CTNNA2: variants seen among roughly 807,000 people sequenced by gnomAD.
CTNNA2 encodes catenin alpha-2.
Under a neutral mutation model 101.0 loss-of-function variants are expected in CTNNA2, and 42 were observed. The observed-to-expected ratio is 0.42, with a 90% confidence interval of 0.32 to 0.54. CTNNA2 has a LOEUF of 0.54. CTNNA2 is among the 20% of genes least tolerant of loss of function. The probability of loss-of-function intolerance (pLI) is 0.14; values close to 1 mark genes in which losing one functional copy is unlikely to be tolerated. For missense variants in CTNNA2, 871 were observed against 1,223.1 expected, an observed-to-expected ratio of 0.71 and a Z score of 4.29; for synonymous variants, 450 against 456.4, an observed-to-expected ratio of 0.99 and a Z score of 0.18.
intron 1 of CTNNA2, among the ~76,000 whole-genome samples, chr2:79,538,203 A>G (rs1673187930): frequency 6.6e-6 from 1 of 151,936 alleles, no homozygotes; most frequent in South Asian, 2.1e-4. Context: ...CAGCTTCTGG[A>G]AGGATTATGC....
At chr2:80,152,996 T>C (rs1703798919) in intron 7 of CTNNA2, among the ~76,000 whole-genome samples, 1 of 152,224 alleles carries the variant, frequency 6.6e-6, no homozygotes, top group South Asian at 2.1e-4. Context: ...CTAAGTTGTG[T>C]TTGTAAAATC....
At chr2:80,639,632 A>G (rs527324484) in intron 18 of CTNNA2, among the ~76,000 whole-genome samples, 57 of 152,250 alleles carry the variant, frequency 3.7e-4, no homozygotes, top group African/African-American at 1.3e-3. Context: ...ACCAATTTTT[A>G]TCACCTGATT....
chr2:79,200,938 G>A (rs1487120794), intron 2 of CTNNA2, among the ~76,000 whole-genome samples: 2 of 152,080 alleles, frequency 1.3e-5, no homozygotes, highest in Non-Finnish European at 2.9e-5. Flanking sequence ...AGGCTATTGT[G>A]GTAAAGAAGA....
At chr2:79,500,911 G>C (rs558874418) in intron 4 of CTNNA2, 18 of 152,282 alleles carry the variant, frequency 1.2e-4, no homozygotes, top group Admixed American at 9.8e-4. Context: ...GTTCTTCTGG[G>C]CTCTGATTAC....
In CTNNA2 at chr2:79,387,926, T is replaced by C. The variant is rs368773013; in HGVS notation, c.-135+13913T>C. ...GGAGTGAGAATATAAGGAACTAATA[T>C]AACCAGAGAGCCACAGAGAGTAGAG... is the stretch of plus-strand genomic sequence containing the variant. On this transcript the variant is annotated intron_variant, in intron 4 of 21. Coordinates refer to the CTNNA2 transcript ENST00000466387. 2.5e-4 allele frequency among the ~76,000 whole-genome samples: 38 copies of C among 152,248 alleles called. No homozygotes were observed. In the East Asian group the frequency reaches 6.6e-3, roughly 26 times the overall value.
chr2:79,190,466 T>C (rs1673839008), intron 1 of CTNNA2, among the ~76,000 whole-genome samples: 1 of 152,124 alleles, frequency 6.6e-6, no homozygotes, highest in South Asian at 2.1e-4. Flanking sequence ...CTTCTATTAG[T>C]TACATTCATG....
intron 2 of CTNNA2, among the ~76,000 whole-genome samples, chr2:79,300,282 T>C (rs1676078541): frequency 6.6e-6 from 1 of 152,152 alleles, no homozygotes; most frequent in Admixed American, 6.5e-5. Flanking sequence ...TCATGGAGGG[T>C]ATGGACTTTG....
chr2:79,676,829 T>C (rs1430105018), intron 2 of CTNNA2, among the ~76,000 whole-genome samples: 1 of 152,212 alleles, frequency 6.6e-6, no homozygotes, highest in Non-Finnish European at 1.5e-5. Flanking sequence ...TATAAATACA[T>C]CAGCTATCTA....
chr2:79,211,591 AG>A (rs1674174382), intron 2 of CTNNA2, among the ~76,000 whole-genome samples: 2 of 152,194 alleles, frequency 1.3e-5, no homozygotes, highest in Non-Finnish European at 2.9e-5. Flanking sequence ...AGGATGAGCC[AG>A]GAGAAGGAAT....
chr2:80,054,196 C>G (rs950328570), intron 7 of CTNNA2, among the ~76,000 whole-genome samples: 1 of 152,140 alleles, frequency 6.6e-6, no homozygotes, highest in Non-Finnish European at 1.5e-5. Flanking sequence ...TGGCTATGTC[C>G]TAAGTGGTTG....
intron 7 of CTNNA2, among the ~76,000 whole-genome samples, chr2:80,306,045 T>C (rs1676907814): frequency 6.6e-6 from 1 of 152,190 alleles, no homozygotes; most frequent in African/African-American, 2.4e-5. Flanking sequence ...GTCCTTAGCA[T>C]CTAAGCTGAA....
intron 7 of CTNNA2, among the ~76,000 whole-genome samples, chr2:80,272,902 A>G (rs1267536742): frequency 6.6e-6 from 1 of 152,216 alleles, no homozygotes; most frequent in African/African-American, 2.4e-5. Context: ...TTCTGAAGGC[A>G]TAATTTTGAT....
intron 15 of CTNNA2, among the ~76,000 whole-genome samples, chr2:80,591,938 C>T (rs1386064819): frequency 6.6e-6 from 1 of 152,044 alleles, no homozygotes; most frequent in African/African-American, 2.4e-5. Context: ...ATCTCATGGA[C>T]AATGGCAGAA....
Position 80,151,834 on chromosome 2 carries a change from T to A in CTNNA2, c.1057-241377T>A, listed in dbSNP as rs193088587. 1.8e-3 allele frequency among the ~76,000 whole-genome samples: 269 copies of A among 152,344 alleles called. 8 individuals carry two copies. Among genetic ancestry groups the A allele is most frequent in the Admixed American group, 0.017 (264 of 15,300 alleles). On this transcript the variant is annotated intron_variant, in intron 7 of 18. Coordinates refer to ENST00000402739, the MANE Select transcript of CTNNA2 (RefSeq NM_001282597.3). ...TCCAGCTGCTGCTGCCAGTGCTGCC[T>A]CTTCTGCTGCCAACCCCACTCTTTT... is the stretch of plus-strand genomic sequence containing the variant.
rs148815126 is a variant in CTNNA2, at chr2:80,528,847, A to G, written c.1291-16135A>G. 5.0e-3 allele frequency among the ~76,000 whole-genome samples: 760 copies of G among 152,302 alleles called. 4 individuals carry two copies. Among genetic ancestry groups the G allele is most frequent in the African/African-American group, 0.017 (726 of 41,570 alleles). On this transcript the variant is annotated intron_variant, in intron 9 of 18. Coordinates refer to ENST00000402739, the MANE Select transcript of CTNNA2 (RefSeq NM_001282597.3). The stretch of plus-strand genomic sequence containing the variant: ...GAGTCTCTAACATATTCTTTGGAAC[A>G]TTCTCAAACTTTGTAGCTCTTCAGT...
intron 7 of CTNNA2, among the ~76,000 whole-genome samples, chr2:80,103,644 A>G (rs1700689811): frequency 6.6e-6 from 1 of 152,020 alleles, no homozygotes; most frequent in Non-Finnish European, 1.5e-5. Flanking sequence ...CATAGGTGTT[A>G]TTTTCATGGT....
intron 7 of CTNNA2, among the ~76,000 whole-genome samples, chr2:80,307,541 G>A (rs998313215): frequency 2.0e-5 from 3 of 151,956 alleles, no homozygotes; most frequent in African/African-American, 7.2e-5. Flanking sequence ...TCATATGTCT[G>A]TACCTGTCTT....
intron 7 of CTNNA2, among the ~76,000 whole-genome samples, chr2:80,272,704 G>A (rs1285248400): frequency 6.6e-6 from 1 of 152,096 alleles, no homozygotes; most frequent in African/African-American, 2.4e-5. Flanking sequence ...ATTTCAGATA[G>A]TTGTTTATTA....
At chr2:79,593,880 GTTTTTTTTTTTTTT>G (rs945227300) in intron 1 of CTNNA2, among the ~76,000 whole-genome samples, 1 of 85,438 alleles carries the variant, frequency 1.2e-5, no homozygotes, top group African/African-American at 5.3e-5. Context: ...CTTTCTTTTA[GTTTTTTTTTTTTTT>G]TTTTTTTTTT....
Sources: allele counts gnomAD v4.1 joint callset (sites outside exome capture counted in the v4.1 genomes callset), GRCh38; gene constraint gnomAD v4.1.1; transcripts MANE v1.5; gene names NCBI Gene and HGNC (gene_info 2026-07-23, HGNC 2026-07-21).